PLCXD3: variants seen among roughly 807,000 people sequenced by gnomAD.
The protein encoded by PLCXD3 is phosphatidylinositol specific phospholipase C X domain containing 3.
A neutral mutation model predicts 25.5 loss-of-function variants in PLCXD3; 19 were observed. That is an observed-to-expected ratio of 0.75 (90% CI 0.52 to 1.09). The LOEUF (loss-of-function observed/expected upper bound fraction) is 1.09. Ranked by LOEUF, PLCXD3 falls within the 50% of genes least tolerant of loss-of-function variation. The probability of loss-of-function intolerance (pLI) is 0.00; values close to 1 mark genes in which losing one functional copy is unlikely to be tolerated. For synonymous variants in PLCXD3, 174 were observed against 137.6 expected, an observed-to-expected ratio of 1.26 and a Z score of -1.85; for missense variants, 411 against 388.1, an observed-to-expected ratio of 1.06 and a Z score of -0.50.
chr5:41,453,662 C>T (rs1207413401), intron 1 of PLCXD3, among the ~76,000 whole-genome samples: 5 of 151,980 alleles, frequency 3.3e-5, no homozygotes, highest in Admixed American at 6.6e-5. Context: ...GAGGCCAGCA[C>T]GGCATCTAGC....
chr5:41,356,297 A>T (rs1744615839), intron 2 of PLCXD3, among the ~76,000 whole-genome samples: 2 of 152,112 alleles, frequency 1.3e-5, no homozygotes, highest in African/African-American at 4.8e-5. Flanking sequence ...AACCATGAAC[A>T]TGTTCATGTG....
chr5:41,404,346 C>T (rs1224305544), intron 1 of PLCXD3, among the ~76,000 whole-genome samples: 2 of 151,998 alleles, frequency 1.3e-5, no homozygotes, highest in Non-Finnish European at 2.9e-5. Flanking sequence ...ATAATACTTA[C>T]AATTCCTTAT....
At chr5:41,501,104 T>G (rs598666) in intron 1 of PLCXD3, among the ~76,000 whole-genome samples, 134 of 152,124 alleles carry the variant, frequency 8.8e-4, no homozygotes, top group African/African-American at 3.1e-3. Context: ...ACACTGTTGG[T>G]GGAAGTGTAA....
In PLCXD3 at chr5:41,410,291, C is replaced by T. The variant is rs577362134; in HGVS notation, c.104-27757G>A. Among the ~76,000 whole-genome samples the T allele has an allele frequency of 6.6e-5, 10 of 152,062 alleles. No individual in the cohort carries two copies. In the East Asian group the frequency reaches 1.2e-3, roughly 18 times the overall value. ...AGTAGCTGGGACTACAGGCGTGCGC[C>T]CCCACGCCTGGCTAATTTTTTTTTT... On this transcript the variant is annotated intron_variant, in intron 1 of 2. Coordinates refer to ENST00000377801, the MANE Select transcript of PLCXD3 (RefSeq NM_001005473.3).
intron 1 of PLCXD3, among the ~76,000 whole-genome samples, chr5:41,501,357 C>T (rs1270665682): frequency 3.3e-5 from 5 of 152,058 alleles, no homozygotes; most frequent in South Asian, 4.1e-4. Flanking sequence ...ATTATTCAGT[C>T]ATAAAAAGAA....
chr5:41,497,470 A>T (rs939936266), intron 1 of PLCXD3, among the ~76,000 whole-genome samples: 1 of 151,918 alleles, frequency 6.6e-6, no homozygotes, highest in Non-Finnish European at 1.5e-5. Flanking sequence ...GGATGAGTCA[A>T]GTCAACCAGG....
intron 2 of PLCXD3, among the ~76,000 whole-genome samples, chr5:41,331,103 AGGCAG>A (rs1358681476): frequency 6.6e-6 from 1 of 152,172 alleles, no homozygotes; most frequent in African/African-American, 2.4e-5. Flanking sequence ...CAGGGCAATT[AGGCAG>A]GAGAAGGAAA....
intron 1 of PLCXD3, among the ~76,000 whole-genome samples, chr5:41,383,726 A>C (rs1478978881): frequency 6.6e-6 from 1 of 151,894 alleles, no homozygotes; most frequent in Non-Finnish European, 1.5e-5. Context: ...TCCTTGAGGC[A>C]TATCTTTTCC....
At chr5:41,366,847 G>A (rs1744951713) in intron 2 of PLCXD3, among the ~76,000 whole-genome samples, 1 of 152,086 alleles carries the variant, frequency 6.6e-6, no homozygotes, top group Non-Finnish European at 1.5e-5. Context: ...GTGTCCATGT[G>A]TTCTCATTTT....
At chr5:41,338,468 C>T (rs531862869) in intron 2 of PLCXD3, among the ~76,000 whole-genome samples, 1 of 152,214 alleles carries the variant, frequency 6.6e-6, no homozygotes, top group Admixed American at 6.6e-5. Context: ...TGCACACACA[C>T]ACAAATCACC....
At chr5:41,417,117 C>G (rs79589919) in intron 1 of PLCXD3, among the ~76,000 whole-genome samples, 3 of 152,068 alleles carry the variant, frequency 2.0e-5, no homozygotes, top group Non-Finnish European at 4.4e-5. Flanking sequence ...TGAGCTATTA[C>G]GATAATCAAG....
intron 1 of PLCXD3, among the ~76,000 whole-genome samples, chr5:41,426,270 GC>G (rs1746954040): frequency 1.3e-5 from 2 of 151,988 alleles, no homozygotes; most frequent in South Asian, 4.2e-4. Flanking sequence ...GTGGGTTAAG[GC>G]CTTTGGCTCA....
chr5:41,359,260 T>C (rs1253674268), intron 2 of PLCXD3, among the ~76,000 whole-genome samples: 1 of 152,220 alleles, frequency 6.6e-6, no homozygotes, highest in Admixed American at 6.5e-5. Context: ...TCCCTCTTTC[T>C]CTATCTTTTG....
intron 1 of PLCXD3, among the ~76,000 whole-genome samples, chr5:41,385,722 C>CAA (rs1297190609): frequency 6.6e-6 from 1 of 152,042 alleles, no homozygotes; most frequent in African/African-American, 2.4e-5. Context: ...GATTAGGTTA[C>CAA]AAAAGGTTAT....
rs70988846 is a variant in PLCXD3, at chr5:41,440,215, A to ATTTTTTTTTT, written c.104-57691_104-57682dup. Among the ~76,000 whole-genome samples the ATTTTTTTTTT allele has an allele frequency of 1.7e-3, 71 of 41,074 alleles. 16 individuals are homozygous for ATTTTTTTTTT. Among genetic ancestry groups the ATTTTTTTTTT allele is most frequent in the African/African-American group, 4.4e-3 (42 of 9,606 alleles). The allele number at this position is 41,074 out of a possible 152,430, so 26.9% of individuals were successfully genotyped here. On this transcript the variant is annotated intron_variant, in intron 1 of 2. Transcript: ENST00000377801. Reference sequence around the variant, plus strand: ...TCTGAGCAAATTACATAATCTCTCAATTTTTTTTTTTTTTTTTTTTTTTTT... The same window carrying ATTTTTTTTTT: ...TCTGAGCAAATTACATAATCTCTCAATTTTTTTTTTTTTTTTTTTTTTTTTTTTTTTTTTT...
At chr5:41,396,337 T>C (rs1386871692) in intron 1 of PLCXD3, among the ~76,000 whole-genome samples, 1 of 152,060 alleles carries the variant, frequency 6.6e-6, no homozygotes, top group Non-Finnish European at 1.5e-5. Context: ...CTCTCTCTCT[T>C]TCTCCTGCTC....
chr5:41,460,114 T>C (rs1445703276), intron 1 of PLCXD3, among the ~76,000 whole-genome samples: 1 of 151,868 alleles, frequency 6.6e-6, no homozygotes, highest in Non-Finnish European at 1.5e-5. Context: ...ATATAGAATA[T>C]AACATAATGG....
intron 1 of PLCXD3, among the ~76,000 whole-genome samples, chr5:41,388,516 T>G (rs1277245014): frequency 2.6e-5 from 4 of 152,048 alleles, no homozygotes; most frequent in African/African-American, 9.7e-5. Context: ...GATCAGATTG[T>G]GCTGCATTGC....
chr5:41,333,763 C>T (rs1375638275), intron 2 of PLCXD3, among the ~76,000 whole-genome samples: 2 of 152,086 alleles, frequency 1.3e-5, no homozygotes, highest in African/African-American at 4.8e-5. Context: ...TAAAGTCCTC[C>T]TAAGTCTTAC....
Sources: gnomAD v4.1 joint callset for allele counts (sites outside exome capture counted in the v4.1 genomes callset) on GRCh38, gnomAD v4.1.1 for gene constraint, MANE v1.5 for transcripts, NCBI Gene and HGNC (gene_info 2026-07-23, HGNC 2026-07-21) for gene names.